The following PAX2 variants were observed in gnomAD, a reference collection of about 807,000 sequenced individuals.
The protein encoded by PAX2 is paired box 2.
Under a neutral mutation model 41.7 loss-of-function variants are expected in PAX2, and 9 were observed. The ratio of observed to expected loss-of-function variants is 0.22; its 90% confidence interval spans 0.13 to 0.38. PAX2 has a LOEUF of 0.38. PAX2 is among the 10% of genes least tolerant of loss of function. The pLI is 1.00. For synonymous variants in PAX2, 221 were observed against 212.7 expected (o/e 1.04, Z -0.34); for missense variants, 418 against 531.6 (o/e 0.79, Z 2.10).
intron 3 of PAX2, among the ~76,000 whole-genome samples, chr10:100,773,109 T>C (rs1340800839): frequency 6.6e-6 from 1 of 152,256 alleles, no homozygotes; most frequent in African/African-American, 2.4e-5. Context: ...GGGATTAGTC[T>C]ATGTGAATTC....
At chr10:100,825,058 C>A in intron 8 of PAX2, 1 of 1,196,368 alleles carries the variant, frequency 8.4e-7, no homozygotes, top group Admixed American at 1.7e-5. Context: ...CAGCTCCACC[C>A]TCAGTGCCCA....
Position 100,827,830 on chromosome 10 carries a change from C to G in PAX2, c.*211C>G. On this transcript the variant is annotated 3_prime_UTR_variant, in exon 10 of 10. Transcript: ENST00000355243. The surrounding 1 kb of genome is among the most constrained non-coding windows in gnomAD (Gnocchi z 8.5). ...CGGGTGGAGCCGTGGGCGGGACCCTCAGGCCCGGGCCCGCCGCCCCCAGCC... is the reference window on the plus strand; with the variant it reads ...CGGGTGGAGCCGTGGGCGGGACCCTGAGGCCCGGGCCCGCCGCCCCCAGCC... 1 of 688,944 alleles carries G rather than the reference C, an allele frequency of 1.5e-6. No individual in the cohort carries two copies. The highest frequency in any genetic ancestry group is 2.8e-5 in the East Asian group (1 of 35,320). The allele number at this position is 688,944 out of a possible 1,614,324, so 42.7% of individuals were successfully genotyped here.
chr10:100,801,747 C>G (rs985073947), intron 5 of PAX2, among the ~76,000 whole-genome samples: 1 of 152,208 alleles, frequency 6.6e-6, no homozygotes. Flanking sequence ...AAGGCTGTGC[C>G]CTGGATGGAG....
chr10:100,742,841 TCC>T (rs1224056860), upstream of PAX2, among the ~76,000 whole-genome samples: 5 of 131,864 alleles, frequency 3.8e-5, no homozygotes, highest in South Asian at 1.0e-3. Flanking sequence ...TCTTCTTTCT[TCC>T]TTTTTTTTTT....
Position 100,748,129 on chromosome 10 carries a change from C to T in PAX2, c.44-1617C>T. On this transcript the variant is annotated intron_variant, in intron 1 of 9. Coordinates refer to ENST00000355243, the MANE Select transcript of PAX2 (RefSeq NM_000278.5). The surrounding 1 kb of genome is among the most constrained non-coding windows in gnomAD (Gnocchi z 5.0). The stretch of plus-strand genomic sequence containing the variant: ...CCAGCCCTGGACTCCCGCCGTGTCC[C>T]CTTCCCATCCCCACCCCTTAGACTG... The T allele has an allele frequency of 1.8e-5, 18 of 985,238 alleles. No homozygotes were observed. The highest frequency in any genetic ancestry group is 2.2e-5 in the Non-Finnish European group (18 of 829,914). The allele number at this position is 985,238 out of a possible 1,614,324, so 61.0% of individuals were successfully genotyped here.
chr10:100,788,278 T>C (rs1475855444), intron 5 of PAX2, among the ~76,000 whole-genome samples: 6 of 152,198 alleles, frequency 3.9e-5, no homozygotes, highest in Admixed American at 1.3e-4. Context: ...CCTCCTTTTG[T>C]AGGCTGCCTC....
At chr10:100,739,519 C>T (rs528616550) in intron 1 of PAX2, among the ~76,000 whole-genome samples, 2 of 152,346 alleles carry the variant, frequency 1.3e-5, no homozygotes, top group South Asian at 2.1e-4. Flanking sequence ...GCGGGTCCTC[C>T]CGCCCCTCTC....
intron 8 of PAX2, among the ~76,000 whole-genome samples, chr10:100,825,663 G>A (rs1848526243): frequency 6.6e-6 from 1 of 152,184 alleles, no homozygotes; most frequent in African/African-American, 2.4e-5. Flanking sequence ...CATTGGTATG[G>A]GGAATGGGGA....
upstream of PAX2, among the ~76,000 whole-genome samples, chr10:100,743,373 G>T (rs960461816): frequency 6.6e-6 from 1 of 152,112 alleles, no homozygotes; most frequent in African/African-American, 2.4e-5. Context: ...CATGGTACTT[G>T]TAACATAGGG....
rs1325744588 is a variant in PAX2 at position 100,750,378 on chromosome 10, C to T, written c.213-316C>T. 6.6e-6 allele frequency among the ~76,000 whole-genome samples: 1 copy of T among 152,112 alleles called. No homozygotes were observed. Among genetic ancestry groups the T allele is most frequent in the African/African-American group, 2.4e-5 (1 of 41,418 alleles). ...GCCTCAACCCTGGCCTCCCAGAGAC[C>T]TTGCAGCGCTGTTCGTTTTGCTCTT... On this transcript the variant is annotated intron_variant, in intron 2 of 9. Transcript: ENST00000355243. The surrounding 1 kb of genome is among the most constrained non-coding windows in gnomAD (Gnocchi z 4.1).
chr10:100,807,342 C>T (rs1847827532), intron 6 of PAX2, among the ~76,000 whole-genome samples: 2 of 151,902 alleles, frequency 1.3e-5, no homozygotes, highest in Non-Finnish European at 2.9e-5. Flanking sequence ...TCCACCTGCT[C>T]CCCCACCCAC....
intron 3 of PAX2, among the ~76,000 whole-genome samples, chr10:100,757,233 G>A (rs1349156589): frequency 6.6e-6 from 1 of 152,208 alleles, no homozygotes; most frequent in Admixed American, 6.5e-5. Flanking sequence ...GAAAAGGGAG[G>A]AAGGCTCACA....
intron 3 of PAX2, among the ~76,000 whole-genome samples, chr10:100,768,132 A>G (rs1171814607): frequency 2.6e-5 from 4 of 152,186 alleles, no homozygotes; most frequent in Non-Finnish European, 5.9e-5. Context: ...CCAGGAAGGG[A>G]ACAATGATGG....
chr10:100,807,179 T>C (rs554296460), intron 6 of PAX2, among the ~76,000 whole-genome samples: 1 of 152,174 alleles, frequency 6.6e-6, no homozygotes, highest in Non-Finnish European at 1.5e-5. Context: ...CCAGGACACA[T>C]AGCATGGGGC....
At chr10:100,804,063 C>A (rs1847669450) in intron 5 of PAX2, among the ~76,000 whole-genome samples, 1 of 152,084 alleles carries the variant, frequency 6.6e-6, no homozygotes, top group South Asian at 2.1e-4. Flanking sequence ...ATTTCAAGTT[C>A]ATTTCGCCGG....
At chr10:100,783,976 G>A (rs887764353) in intron 5 of PAX2, among the ~76,000 whole-genome samples, 3 of 152,064 alleles carry the variant, frequency 2.0e-5, no homozygotes, top group African/African-American at 7.2e-5. Flanking sequence ...CCTGGTGGAG[G>A]CCTGGCCTAT....
In PAX2 at chr10:100,827,673, T is replaced by A. The variant is rs1455620508; in HGVS notation, c.*54T>A. Reference sequence around the variant, plus strand: ...GCCGACAGCTTCGGCCTCCACATCGTCCCCGTCTGACCCCACCCCGGAGGG... The same window carrying A: ...GCCGACAGCTTCGGCCTCCACATCGACCCCGTCTGACCCCACCCCGGAGGG... On this transcript the variant is annotated 3_prime_UTR_variant, in exon 10 of 10. Transcript: ENST00000355243. This position sits in a 1 kb window ranked among gnomAD's most constrained non-coding sequence, Gnocchi z 8.5. 1 of 1,613,008 alleles carries A rather than the reference T, an allele frequency of 6.2e-7. No homozygotes were observed. Among genetic ancestry groups the A allele is most frequent in the Admixed American group, 1.7e-5 (1 of 60,004 alleles).
At chr10:100,763,990 C>T (rs1281012487) in intron 3 of PAX2, among the ~76,000 whole-genome samples, 1 of 152,104 alleles carries the variant, frequency 6.6e-6, no homozygotes, top group African/African-American at 2.4e-5. Context: ...TCCACATAAA[C>T]CAGCTTAGAA....
chr10:100,750,663 C>G lies in PAX2; in HGVS notation c.213-31C>G, dbSNP rs1235708349. 1.9e-6 allele frequency: 3 copies of G among 1,606,868 alleles called. No individual in the cohort carries two copies. Among genetic ancestry groups the G allele is most frequent in the Non-Finnish European group, 2.6e-6 (3 of 1,174,024 alleles). Reference sequence around the variant, plus strand: ...CCCCCTGCCCCGCCACAGTCCGCTTCTGGCTGACCCCGCCGGCTTTCCCGG... The same window carrying G: ...CCCCCTGCCCCGCCACAGTCCGCTTGTGGCTGACCCCGCCGGCTTTCCCGG... On this transcript the variant is annotated intron_variant, in intron 2 of 9. Coordinates refer to ENST00000355243, the MANE Select transcript of PAX2 (RefSeq NM_000278.5). The surrounding 1 kb of genome is among the most constrained non-coding windows in gnomAD (Gnocchi z 4.1).
Sources: gnomAD v4.1 joint callset for allele counts (sites outside exome capture counted in the v4.1 genomes callset) on GRCh38, gnomAD v4.1.1 for gene constraint, Gnocchi (gnomAD v3.1) non-coding constraint, MANE v1.5 for transcripts, NCBI Gene and HGNC (gene_info 2026-07-23, HGNC 2026-07-21) for gene names.